Variants in MCM9 observed in about 807,000 individuals in gnomAD.
MCM9 encodes minichromosome maintenance 9 homologous recombination repair factor, also known as DNA helicase MCM9.
A neutral mutation model predicts 72.8 loss-of-function variants in MCM9; 55 were observed. The observed-to-expected ratio is 0.76, with a 90% confidence interval of 0.61 to 0.95. MCM9 has a LOEUF of 0.95. Ranked by LOEUF, MCM9 falls within the 40% of genes least tolerant of loss-of-function variation. The probability of loss-of-function intolerance (pLI) is 0.00; values close to 1 mark genes in which losing one functional copy is unlikely to be tolerated. For synonymous variants in MCM9, 480 were observed against 503.4 expected, an observed-to-expected ratio of 0.95 and a Z score of 0.62; for missense variants, 1,279 against 1,377.0, an observed-to-expected ratio of 0.93 and a Z score of 1.13.
At chr6:118,924,165 C>T in intron 3 of MCM9, 38 bp from the exon 4 acceptor site, 1 of 1,567,802 alleles carries the variant, frequency 6.4e-7, no homozygotes, top group Admixed American at 1.7e-5. Context: ...CAACTTCAAT[C>T]TTGAGATTTG....
At chr6:118,868,980 C>T (rs553018036) in intron 8 of MCM9, among the ~76,000 whole-genome samples, 2 of 152,194 alleles carry the variant, frequency 1.3e-5, no homozygotes, top group Admixed American at 6.5e-5. Context: ...TTTATGGCAG[C>T]ATTATTCACA....
intron 5 of MCM9, chr6:118,920,444 A>C (rs1373082857): frequency 6.6e-6 from 1 of 152,178 alleles, no homozygotes; most frequent in East Asian, 1.9e-4. Flanking sequence ...GTCTATGGTG[A>C]TTTGTTAGAG....
At position 118,838,418 on chromosome 6, in the gene MCM9, T is replaced by C. The variant is rs544043129; in HGVS notation, c.1326-9168A>G. ...TTGTGATTCTCCTGCCTCAGCCTCC[T>C]GAGTAGCTGGGACTACAGGCACCTG... On this transcript the variant is annotated intron_variant, in intron 9 of 13. Transcript: ENST00000619706. Among the ~76,000 whole-genome samples the C allele has an allele frequency of 1.8e-3, 276 of 150,264 alleles. 1 individual carries two copies. Among genetic ancestry groups the C allele is most frequent in the Middle Eastern group, 0.011 (3 of 274 alleles).
chr6:118,901,026 T>TA, intron 8 of MCM9: 1 of 614,210 alleles, frequency 1.6e-6, no homozygotes, highest in Non-Finnish European at 2.9e-6. Flanking sequence ...CCATCATGTT[T>TA]TAGGCAGTCT....
chr6:118,833,124 T>C (rs1466769676), intron 9 of MCM9, among the ~76,000 whole-genome samples: 1 of 152,060 alleles, frequency 6.6e-6, no homozygotes, highest in Non-Finnish European at 1.5e-5. Context: ...AGAAGGAGCT[T>C]GGGCCCGGAA....
At chr6:118,825,662 G>A (rs1774120508) in intron 13 of MCM9, among the ~76,000 whole-genome samples, 1 of 152,138 alleles carries the variant, frequency 6.6e-6, no homozygotes, top group Admixed American at 6.6e-5. Context: ...CACATATTTC[G>A]GGAGTATGCG....
At chr6:118,906,853 GATA>G (rs1780214760) in intron 8 of MCM9, among the ~76,000 whole-genome samples, 1 of 152,164 alleles carries the variant, frequency 6.6e-6, no homozygotes, top group African/African-American at 2.4e-5. Context: ...TGTTCTTTCT[GATA>G]ATAAGGCCGG....
chr6:118,893,414 C>A (rs967202750), intron 8 of MCM9, among the ~76,000 whole-genome samples: 4 of 152,074 alleles, frequency 2.6e-5, no homozygotes. Context: ...ATGGCAGTAA[C>A]CTGAAGTATA....
intron 9 of MCM9, among the ~76,000 whole-genome samples, chr6:118,854,033 C>T (rs1776400371): frequency 6.6e-6 from 1 of 152,088 alleles, no homozygotes; most frequent in Non-Finnish European, 1.5e-5. Flanking sequence ...TATTTTATTT[C>T]AATTTCCAGT....
intron 9 of MCM9, among the ~76,000 whole-genome samples, chr6:118,843,240 A>G (rs998245917): frequency 6.6e-6 from 1 of 152,104 alleles, no homozygotes; most frequent in Admixed American, 6.5e-5. Flanking sequence ...TAAAAGAGCA[A>G]TTTGTGAAAT....
rs140541689 is a variant in MCM9, at chr6:118,831,114, A to G, written c.1326-1864T>C. ...TTTCCATTAGAAAAGCTTAAGCTTA[A>G]GAATCATGCTGGTGGATCGCCAGAG... On this transcript the variant is annotated intron_variant, in intron 9 of 13. Coordinates refer to ENST00000619706, the MANE Select transcript of MCM9 (RefSeq NM_017696.3). 2.2e-3 allele frequency among the ~76,000 whole-genome samples: 333 copies of G among 152,310 alleles called. 2 individuals carry two copies. The highest frequency in any genetic ancestry group is 6.6e-3 in the Admixed American group (101 of 15,306).
Position 118,866,711 on chromosome 6 carries a change from C to T in MCM9, c.1151-10166G>A, listed in dbSNP as rs149187887. On this transcript the variant is annotated intron_variant, in intron 8 of 13. Coordinates refer to ENST00000619706, the MANE Select transcript of MCM9 (RefSeq NM_017696.3). The stretch of plus-strand genomic sequence containing the variant: ...GGGCACCATCAGGTAAAACAACTTA[C>T]GTATTATTGGCATGCCAGAAGGAGA... Among the ~76,000 whole-genome samples the T allele has an allele frequency of 8.4e-4, 128 of 152,178 alleles. No individual in the cohort carries two copies. In the East Asian group the frequency reaches 9.7e-3, roughly 11 times the overall value.
At chr6:118,871,277 C>T (rs1181144474) in intron 8 of MCM9, among the ~76,000 whole-genome samples, 1 of 152,110 alleles carries the variant, frequency 6.6e-6, no homozygotes, top group African/African-American at 2.4e-5. Flanking sequence ...GAATCATTCA[C>T]CATAATCAGG....
chr6:118,910,116 CAAAAAAA>C (rs67533661), intron 8 of MCM9, among the ~76,000 whole-genome samples: 3 of 110,764 alleles, frequency 2.7e-5, no homozygotes, highest in Admixed American at 1.8e-4. Flanking sequence ...GACTCTATCT[CAAAAAAA>C]AAAAAAAAAA....
chr6:118,895,924 T>C (rs989659447), intron 8 of MCM9, among the ~76,000 whole-genome samples: 2 of 152,094 alleles, frequency 1.3e-5, no homozygotes, highest in African/African-American at 4.8e-5. Flanking sequence ...TATATATTCA[T>C]TGTAATAAAC....
chr6:118,843,655 T>TATATATACACGTATATATATATATATAC (rs1491542240), intron 9 of MCM9, among the ~76,000 whole-genome samples: 5,496 of 37,728 alleles, frequency 0.15, 750 homozygotes, highest in South Asian at 0.23. Flanking sequence ...TATATATATA[T>TATATATACACGTATATATATATATATAC]GTGTATATAT....
chr6:118,934,312 G>T (rs948829880), intron 1 of MCM9: 5 of 135,288 alleles, frequency 3.7e-5, no homozygotes, highest in African/African-American at 1.4e-4. Flanking sequence ...GTTTTGAGAA[G>T]GGTCATTTCA....
chr6:118,884,158 A>C (rs1488005294), intron 8 of MCM9, among the ~76,000 whole-genome samples: 1 of 152,214 alleles, frequency 6.6e-6, no homozygotes, highest in Non-Finnish European at 1.5e-5. Context: ...TAATTAAGAA[A>C]GTTAATATAA....
At chr6:118,885,835 G>T (rs906315433) in intron 8 of MCM9, among the ~76,000 whole-genome samples, 1 of 151,966 alleles carries the variant, frequency 6.6e-6, no homozygotes, top group Non-Finnish European at 1.5e-5. Flanking sequence ...ATTGCCCACA[G>T]ACCAAAAATC....
Sources: allele counts gnomAD v4.1 joint callset (sites outside exome capture counted in the v4.1 genomes callset), GRCh38; gene constraint gnomAD v4.1.1; transcripts MANE v1.5; gene names NCBI Gene and HGNC (gene_info 2026-07-23, HGNC 2026-07-21).